The following SPAG5 variants were observed in gnomAD, a reference collection of about 807,000 sequenced individuals.
SPAG5 encodes sperm-associated antigen 5.
A neutral mutation model predicts 145.4 loss-of-function variants in SPAG5; 99 were observed. That is an observed-to-expected ratio of 0.68 (90% CI 0.58 to 0.80). The LOEUF (loss-of-function observed/expected upper bound fraction) is 0.80, where lower values mean the gene tolerates loss of function less well. Among genes scored for constraint, SPAG5 ranks in the 30% least tolerant of loss-of-function variants. SPAG5 has a pLI of 0.00. For synonymous variants in SPAG5, 477 were observed against 525.4 expected (o/e 0.91, Z 1.26); for missense variants, 1,192 against 1,416.0 (o/e 0.84, Z 2.54).
At position 28,592,651 on chromosome 17, in the gene SPAG5, G is replaced by A. The variant is rs373393440; in HGVS notation, c.593C>T (p.Pro198Leu). Residue 198 changes from proline to leucine, a missense_variant, in exon 3 of 24, where the codon CCG (proline) becomes CTG (leucine). Pro to Leu is a moderately conservative substitution (Grantham distance 98, BLOSUM62 -3). Coordinates refer to ENST00000321765, the MANE Select transcript of SPAG5 (RefSeq NM_006461.4). ...TGGAGACTCCTCTAAGAGATGGGAC[G>A]GAGATTCCTGAAAGATAGGTTTCTC... ...VSEKPIFQESPSHLLEESPPN... is the reference protein window; with the variant it reads ...VSEKPIFQESLSHLLEESPPN... 3.3e-5 allele frequency: 54 copies of A among 1,614,000 alleles called. No homozygotes were observed. The highest frequency in any genetic ancestry group is 2.4e-4 in the African/African-American group (18 of 74,930).
At chr17:28,578,602 T>C (rs2070525288) in intron 20 of SPAG5, 70 bp downstream of exon 20, 9 of 1,609,408 alleles carry the variant, frequency 5.6e-6, no homozygotes, top group Middle Eastern at 1.6e-4. Flanking sequence ...AGCAAACCAT[T>C]TCTCATACTT....
intron 2 of SPAG5, among the ~76,000 whole-genome samples, chr17:28,597,808 G>A (rs1413635069): frequency 5.3e-5 from 8 of 152,210 alleles, no homozygotes; most frequent in Admixed American, 5.2e-4. Flanking sequence ...GATCCAGTTT[G>A]GCCTTGAGCT....
At chr17:28,591,656 T>C in intron 4 of SPAG5, 42 bp downstream of exon 4, 1 of 1,543,818 alleles carries the variant, frequency 6.5e-7, no homozygotes, top group Middle Eastern at 2.2e-4. Flanking sequence ...ATTCCAAGGA[T>C]CCCCACTGGG....
Position 28,592,590 on chromosome 17 carries a change from C to T in SPAG5, c.654G>A (p.Lys218=). Residue 218 remains lysine (K), a synonymous_variant, in exon 3 of 24, where the codon AAG becomes AAA. Transcript: ENST00000321765. The part of the protein sequence containing the change: ...NPCSEQLHCS[K]ESLSSRTEAV... ...CCTCAGTTCTACTGCTCAGGCTTTC[C>T]TTGGAGCAATGTAGTTGTTCAGAAC... The T allele has an allele frequency of 5.0e-6, 8 of 1,614,188 alleles. No individual in the cohort carries two copies. The highest frequency in any genetic ancestry group is 6.8e-6 in the Non-Finnish European group (8 of 1,180,026).
intron 7 of SPAG5, 82 bp downstream of exon 7, chr17:28,585,780 CTG>C (rs2070581007): frequency 6.2e-7 from 1 of 1,608,666 alleles, no homozygotes; most frequent in African/African-American, 1.3e-5. Context: ...GGCCACCCAT[CTG>C]TGTCTAAAGT....
rs185720764 is a variant in SPAG5 at position 28,579,318 on chromosome 17, G to C, written c.3005+47C>G. 16 of 1,613,820 alleles carry C rather than the reference G, an allele frequency of 9.9e-6. No homozygotes were observed. The Admixed American group carries it at 1.7e-4, about 17-fold the overall frequency. ...GGGATCAGTTGGACCCTTGGCATAA[G>C]AGGATGTCTCACTGTCCCTCTGTCA... On this transcript the variant is annotated intron_variant, in intron 18 of 23. Coordinates refer to ENST00000321765, the MANE Select transcript of SPAG5 (RefSeq NM_006461.4).
intron 12 of SPAG5, 33 bp downstream of exon 12, chr17:28,584,300 G>A: frequency 6.2e-7 from 1 of 1,613,948 alleles, no homozygotes; most frequent in Non-Finnish European, 8.5e-7. Flanking sequence ...AATCCTGGAT[G>A]CCTACTGCCA....
At chr17:28,584,812 G>GAAAGAGAAGCTGGAC in intron 10 of SPAG5, 67 bp from the exon 11 acceptor site, 1 of 1,256,352 alleles carries the variant, frequency 8.0e-7, no homozygotes, top group Non-Finnish European at 1.2e-6. Flanking sequence ...ACTTGGTCCA[G>GAAAGAGAAGCTGGAC]CTTCTCTTTC....
chr17:28,585,275 T>TG (rs1163579996), intron 9 of SPAG5, 44 bp downstream of exon 9: 4 of 1,606,690 alleles, frequency 2.5e-6, no homozygotes, highest in Non-Finnish European at 3.4e-6. Flanking sequence ...ACAACAGGAC[T>TG]TGATGTGAGT....
chr17:28,579,885 C>T, intron 16 of SPAG5, 48 bp from the exon 17 acceptor site: 1 of 1,579,816 alleles, frequency 6.3e-7, no homozygotes, highest in Non-Finnish European at 8.7e-7. Context: ...ATGATCCAGG[C>T]AGGGGTCTAC....
intron 11 of SPAG5, 52 bp downstream of exon 11, chr17:28,584,600 A>C (rs2070570922): frequency 5.6e-6 from 9 of 1,599,364 alleles, no homozygotes; most frequent in Non-Finnish European, 7.7e-6. Context: ...TCCAAGCCTT[A>C]ACAGGGCTCA....
rs767193440 is a variant in SPAG5, at chr17:28,592,135, C to T, written c.1109G>A (p.Arg370Gln). The T allele has an allele frequency of 2.5e-6, 4 of 1,614,002 alleles. No individual in the cohort carries two copies. In the South Asian group the frequency reaches 3.3e-5, roughly 13 times the overall value. Residue 370 changes from arginine to glutamine, a missense_variant, in exon 3 of 24, where the codon CGG (arginine) becomes CAG (glutamine). Transcript: ENST00000321765. ...RQSLSLPSMLRDAAIGTTPFS... is the reference protein window; with the variant it reads ...RQSLSLPSMLQDAAIGTTPFS... ...AGGGGTAGTGCCAATTGCAGCATCC[C>T]GAAGCATCGAGGGAAGGGATAAGCT...
chr17:28,579,473 A>G lies in SPAG5; in HGVS notation c.2897T>C (p.Met966Thr). 6.2e-7 allele frequency: 1 copy of G among 1,613,754 alleles called. No homozygotes were observed. Among genetic ancestry groups the G allele is most frequent in the South Asian group, 1.1e-5 (1 of 91,050 alleles). Residue 966 changes from methionine to threonine, a missense_variant, in exon 18 of 24, where the codon ATG becomes ACG. By Grantham distance (81) the Met-to-Thr change is moderately conservative. Transcript: ENST00000321765. ...ACTCATTTCTGCCAGGCTCTCCTCC[A>G]TGCCTGGGGTCTCTGAAAGAGAAAG... The part of the protein sequence containing the change: ...VSLQPAETPG[M>T]EESLAEMSIM...
intron 6 of SPAG5, 35 bp from the exon 7 acceptor site, chr17:28,586,033 C>T (rs771801597): frequency 6.2e-7 from 1 of 1,614,194 alleles, no homozygotes; most frequent in Non-Finnish European, 8.5e-7. Context: ...TGTCTGGTTC[C>T]TCTTTATGGC....
chr17:28,585,890 C>G lies in SPAG5; in HGVS notation c.1714G>C (p.Glu572Gln), dbSNP rs774157862. ...AEREEARHRE[E>Q]MALRGKDAAE... ...GCATCCTTGCCTCTGAGAGCCATTT[C>G]CTCTCTGTGCCTTGCCTCCTCCCTT... is the stretch of plus-strand genomic sequence containing the variant. Residue 572 changes from glutamate to glutamine, a missense_variant, in exon 7 of 24, where the codon GAA becomes CAA. Glu to Gln is a conservative substitution (Grantham distance 29). Transcript: ENST00000321765. 79 of 1,614,130 alleles carry G rather than the reference C, an allele frequency of 4.9e-5. No homozygotes were observed. In the Admixed American group the frequency reaches 1.3e-3, roughly 27 times the overall value.
intron 4 of SPAG5, among the ~76,000 whole-genome samples, chr17:28,587,096 G>C (rs915184454): frequency 3.9e-5 from 6 of 151,920 alleles, no homozygotes; most frequent in African/African-American, 1.5e-4. Flanking sequence ...AAGTCAGAAA[G>C]AAAAATCCAC....
intron 2 of SPAG5, among the ~76,000 whole-genome samples, chr17:28,595,480 GCCCACGCCTGTAATC>G (rs1203913960): frequency 6.6e-6 from 1 of 152,178 alleles, no homozygotes; most frequent in East Asian, 1.9e-4. Flanking sequence ...AGGTGCAGTG[GCCCACGCCTGTAATC>G]CCAGCACTTT....
chr17:28,583,753 C>G, intron 14 of SPAG5, 100 bp downstream of exon 14: 5 of 1,542,992 alleles, frequency 3.2e-6, no homozygotes, highest in Non-Finnish European at 4.4e-6. Flanking sequence ...ACAAGAGGCT[C>G]AACACTCACA....
At chr17:28,582,306 TA>T (rs1268247822) in intron 15 of SPAG5, among the ~76,000 whole-genome samples, 1 of 152,146 alleles carries the variant, frequency 6.6e-6, no homozygotes, top group Non-Finnish European at 1.5e-5. Flanking sequence ...GTAGACACTA[TA>T]AAAAAGAACA....
Sources: allele counts gnomAD v4.1 joint callset (sites outside exome capture counted in the v4.1 genomes callset), GRCh38; gene constraint gnomAD v4.1.1; transcripts MANE v1.5; gene names NCBI Gene and HGNC (gene_info 2026-07-23, HGNC 2026-07-21).